The following SAAL1 variants were observed in gnomAD, a reference collection of about 807,000 sequenced individuals.
SAAL1 encodes protein SAAL1.
Under a neutral mutation model 59.8 loss-of-function variants are expected in SAAL1, and 42 were observed. That is an observed-to-expected ratio of 0.70 (90% CI 0.55 to 0.91). The LOEUF is 0.91. Among genes scored for constraint, SAAL1 ranks in the 40% least tolerant of loss-of-function variants. SAAL1 has a pLI of 0.00. For synonymous variants in SAAL1, 191 were observed against 194.3 expected (o/e 0.98, Z 0.14); for missense variants, 542 against 561.1 (o/e 0.97, Z 0.34).
At chr11:18,102,188 G>A (rs1848641708) in intron 2 of SAAL1, among the ~76,000 whole-genome samples, 1 of 152,134 alleles carries the variant, frequency 6.6e-6, no homozygotes, top group South Asian at 2.1e-4. Flanking sequence ...GATCATTTGA[G>A]GTCAGCAGTT....
At chr11:18,091,537 C>T (rs1010814648) in intron 4 of SAAL1, among the ~76,000 whole-genome samples, 3 of 152,190 alleles carry the variant, frequency 2.0e-5, no homozygotes, top group African/African-American at 7.2e-5. Context: ...TGATAAAACC[C>T]TCATGGCCCC....
intron 11 of SAAL1, among the ~76,000 whole-genome samples, chr11:18,081,117 G>A (rs1199070166): frequency 6.6e-6 from 1 of 152,026 alleles, no homozygotes; most frequent in Non-Finnish European, 1.5e-5. Context: ...TACCCAATAG[G>A]TAGTTTTTCA....
At chr11:18,104,971 G>A (rs976877927) in intron 1 of SAAL1, among the ~76,000 whole-genome samples, 4 of 152,062 alleles carry the variant, frequency 2.6e-5, no homozygotes, top group African/African-American at 7.2e-5. Context: ...AGGGAAACAT[G>A]GGGGGAAGAA....
intron 10 of SAAL1, among the ~76,000 whole-genome samples, chr11:18,082,361 A>C (rs1848419568): frequency 6.6e-6 from 1 of 151,818 alleles, no homozygotes; most frequent in African/African-American, 2.4e-5. Context: ...AAATCAAAGT[A>C]AGACACAATT....
At chr11:18,085,743 A>C (rs1264116016) in intron 9 of SAAL1, among the ~76,000 whole-genome samples, 1 of 152,208 alleles carries the variant, frequency 6.6e-6, no homozygotes, top group Non-Finnish European at 1.5e-5. Flanking sequence ...AACTGAACAG[A>C]ATATATAGGG....
intron 9 of SAAL1, among the ~76,000 whole-genome samples, chr11:18,085,603 T>C (rs1848455735): frequency 6.6e-6 from 1 of 152,180 alleles, no homozygotes; most frequent in Admixed American, 6.5e-5. Context: ...GAACTCAAAG[T>C]TAGTGATAAA....
intron 1 of SAAL1, among the ~76,000 whole-genome samples, 157 bp from the exon 2 acceptor site, chr11:18,103,503 T>A (rs1407332770): frequency 1.3e-5 from 2 of 152,232 alleles, no homozygotes; most frequent in Non-Finnish European, 2.9e-5. Flanking sequence ...GGAGTTTGCA[T>A]GTTCTCCCCA....
chr11:18,103,337 G>C lies in SAAL1; in HGVS notation c.145C>G (p.Pro49Ala). The change falls in exon 2 of 12, where the codon CCT (proline) becomes GCT (alanine). Residue 49 changes from proline to alanine, a missense_variant. Pro to Ala is a conservative substitution (Grantham distance 27, BLOSUM62 -1). Transcript: ENST00000524803. Reference protein sequence around the residue: ...VLSGLIQIVSPENTKSSSDDE... With the variant: ...VLSGLIQIVSAENTKSSSDDE... ...TCTGAGCTAGATTTGGTGTTTTCAG[G>C]GCTAACAATCTTCAGAAACACAAAG... 1 of 1,611,704 alleles carries C rather than the reference G, an allele frequency of 6.2e-7. No homozygotes were observed. Among genetic ancestry groups the C allele is most frequent in the South Asian group, 1.1e-5 (1 of 91,034 alleles).
intron 11 of SAAL1, 72 bp from the exon 12 acceptor site, chr11:18,080,563 A>C: frequency 4.2e-6 from 4 of 963,498 alleles, no homozygotes; most frequent in Non-Finnish European, 4.7e-6. Context: ...TGATTGCTCT[A>C]CCTGTGGTTT....
chr11:18,096,937 T>C, intron 2 of SAAL1, 83 bp from the exon 3 acceptor site: 1 of 771,318 alleles, frequency 1.3e-6, no homozygotes, highest in Non-Finnish European at 2.2e-6. Flanking sequence ...AAATTCTATA[T>C]TAAAATTAGA....
At chr11:18,100,227 C>T (rs1171813689) in intron 2 of SAAL1, among the ~76,000 whole-genome samples, 2 of 152,150 alleles carry the variant, frequency 1.3e-5, no homozygotes, top group East Asian at 3.8e-4. Flanking sequence ...ATATTCCACC[C>T]AGCAACAGCA....
intron 11 of SAAL1, among the ~76,000 whole-genome samples, chr11:18,081,042 AGG>A: frequency 6.6e-6 from 1 of 152,076 alleles, no homozygotes; most frequent in African/African-American, 2.4e-5. Flanking sequence ...TTTGTTATAA[AGG>A]TATATTACAT....
At chr11:18,083,084 A>G (rs12365158) in intron 10 of SAAL1, 63,070 of 152,216 alleles carry the variant, frequency 0.41, 13,712 homozygotes, top group African/African-American at 0.52. Context: ...CATGGTCAAA[A>G]GAAGAATATT....
intron 6 of SAAL1, 142 bp downstream of exon 6, chr11:18,090,033 G>C: frequency 1.3e-6 from 1 of 769,866 alleles, no homozygotes; most frequent in Non-Finnish European, 2.0e-6. Flanking sequence ...GGGTGACAGA[G>C]CAAGATTCTG....
chr11:18,080,542 C>T, intron 11 of SAAL1, 51 bp from the exon 12 acceptor site: 2 of 1,227,474 alleles, frequency 1.6e-6, no homozygotes, highest in Non-Finnish European at 2.3e-6. Context: ...GAAAAACGTG[C>T]TTTAAGGTAC....
intron 7 of SAAL1, among the ~76,000 whole-genome samples, chr11:18,087,803 C>T (rs1458184396): frequency 6.6e-6 from 1 of 152,130 alleles, no homozygotes; most frequent in Non-Finnish European, 1.5e-5. Flanking sequence ...AATGGTTTGG[C>T]AAATGTTTAT....
At chr11:18,105,366 C>T (rs1418030025) in intron 1 of SAAL1, among the ~76,000 whole-genome samples, 4 of 142,370 alleles carry the variant, frequency 2.8e-5, no homozygotes, top group Non-Finnish European at 4.5e-5. Context: ...TTTGTAGAAA[C>T]CAGGTCTATG....
intron 1 of SAAL1, among the ~76,000 whole-genome samples, chr11:18,103,614 T>G (rs1308709500): frequency 6.6e-6 from 1 of 152,120 alleles, no homozygotes; most frequent in African/African-American, 2.4e-5. Context: ...TCTGAGTGAG[T>G]GTGGGTGTGT....
At position 18,087,205 on chromosome 11, in the gene SAAL1, A is replaced by T; in HGVS notation, c.791T>A (p.Leu264His). The T allele has an allele frequency of 7.4e-6, 12 of 1,612,504 alleles. No homozygotes were observed. The highest frequency in any genetic ancestry group is 1.0e-5 in the Non-Finnish European group (12 of 1,178,566). Reference sequence around the variant, plus strand: ...TTGTAAAATGTGCATGTAAACATCAAGCCATTCTGGATTTTCAGAACTAAA... The same window carrying T: ...TTGTAAAATGTGCATGTAAACATCATGCCATTCTGGATTTTCAGAACTAAA... Reference protein sequence around the residue: ...KQVRSENPEWLDVYMHILQLL... With the variant: ...KQVRSENPEWHDVYMHILQLL... The change falls in exon 8 of 12, where the codon CTT becomes CAT. Residue 264 changes from leucine to histidine, a missense_variant. By Grantham distance (99) the Leu-to-His change is moderately conservative. Transcript: ENST00000524803.
Sources: gnomAD v4.1 joint callset for allele counts (sites outside exome capture counted in the v4.1 genomes callset) on GRCh38, gnomAD v4.1.1 for gene constraint, MANE v1.5 for transcripts, NCBI Gene and HGNC (gene_info 2026-07-23, HGNC 2026-07-21) for gene names.